The following HTR4 variants were observed in gnomAD, a reference collection of about 807,000 sequenced individuals.
The protein encoded by HTR4 is 5-hydroxytryptamine receptor 4, also known as 5-hydroxytryptamine (serotonin) receptor 4, G protein-coupled.
In HTR4, 16 loss-of-function variants were observed where a neutral mutation model predicts 36.8. That is an observed-to-expected ratio of 0.43 (90% CI 0.29 to 0.66). HTR4 has a LOEUF of 0.66. Among genes scored for constraint, HTR4 ranks in the 30% least tolerant of loss-of-function variants. The pLI, the probability that HTR4 is intolerant of heterozygous loss-of-function variation, is 0.13. For synonymous variants in HTR4, 189 were observed against 185.1 expected (o/e 1.02, Z -0.17); for missense variants, 438 against 490.9 (o/e 0.89, Z 1.02).
At chr5:148,477,314 A>G (rs1755731810), downstream of HTR4, among the ~76,000 whole-genome samples, 1 of 152,182 alleles carries the variant, frequency 6.6e-6, no homozygotes. Context: ...ATTAGATGCT[A>G]TTTGGAACTA....
At chr5:148,526,219 A>G (rs1206114263) in intron 4 of HTR4, among the ~76,000 whole-genome samples, 1 of 152,236 alleles carries the variant, frequency 6.6e-6, no homozygotes, top group Admixed American at 6.5e-5. Flanking sequence ...CAGTTGGCTA[A>G]TAACAATCTC....
At chr5:148,575,458 G>T (rs1305573556) in intron 2 of HTR4, among the ~76,000 whole-genome samples, 3 of 152,000 alleles carry the variant, frequency 2.0e-5, no homozygotes, top group African/African-American at 7.2e-5. Flanking sequence ...ATGGCCATGT[G>T]TTGACAGAGA....
chr5:148,601,189 T>A (rs139330009), intron 2 of HTR4, among the ~76,000 whole-genome samples: 47 of 151,764 alleles, frequency 3.1e-4, no homozygotes, highest in Non-Finnish European at 5.2e-4. Context: ...AAAATAAAGA[T>A]AAGTATTAGC....
intron 2 of HTR4, among the ~76,000 whole-genome samples, chr5:148,632,928 A>G (rs1753375906): frequency 6.6e-6 from 1 of 152,160 alleles, no homozygotes; most frequent in Non-Finnish European, 1.5e-5. Context: ...CTCATTCCCC[A>G]AATACAAGCC....
chr5:148,519,602 C>G (rs1757917712), intron 5 of HTR4, among the ~76,000 whole-genome samples: 2 of 152,150 alleles, frequency 1.3e-5, no homozygotes, highest in Non-Finnish European at 2.9e-5. Flanking sequence ...TTTGTAACCT[C>G]CTAAATCCCC....
chr5:148,513,893 T>C (rs1256204411), intron 5 of HTR4, among the ~76,000 whole-genome samples: 4 of 152,196 alleles, frequency 2.6e-5, no homozygotes, highest in African/African-American at 4.8e-5. Flanking sequence ...GGTACCATGT[T>C]AAAATCCTGA....
At chr5:148,493,202 G>A (rs1756537477) in intron 6 of HTR4, among the ~76,000 whole-genome samples, 2 of 152,126 alleles carry the variant, frequency 1.3e-5, no homozygotes, top group Admixed American at 1.3e-4. Context: ...CGTTGTGATG[G>A]GGACCAAGGC....
At chr5:148,548,613 C>T in intron 4 of HTR4, 55 bp downstream of exon 4, 1 of 1,353,424 alleles carries the variant, frequency 7.4e-7, no homozygotes. Context: ...GCCCAATATC[C>T]ATCAAGTCAT....
At chr5:148,588,686 G>T (rs894196695) in intron 2 of HTR4, among the ~76,000 whole-genome samples, 4 of 150,338 alleles carry the variant, frequency 2.7e-5, no homozygotes, top group Non-Finnish European at 4.4e-5. Flanking sequence ...GACTACAGGC[G>T]CCCGCCACCG....
intron 1 of HTR4, 105 bp downstream of exon 1, chr5:148,653,957 A>G (rs1754115502): frequency 2.7e-6 from 2 of 732,436 alleles, no homozygotes; most frequent in African/African-American, 3.8e-5. Context: ...TGAGTCCAGA[A>G]CCCCCAAGCC....
intron 4 of HTR4, among the ~76,000 whole-genome samples, chr5:148,543,845 G>A (rs2113837017): frequency 6.6e-6 from 1 of 152,250 alleles, no homozygotes; most frequent in East Asian, 1.9e-4. Context: ...AGATGGTGAG[G>A]GCTCCCTTAG....
intron 5 of HTR4, among the ~76,000 whole-genome samples, chr5:148,515,067 T>G (rs1221428499): frequency 6.6e-6 from 1 of 152,080 alleles, no homozygotes; most frequent in African/African-American, 2.4e-5. Flanking sequence ...AATCTTACTG[T>G]TATCTATTAA....
intron 6 of HTR4, among the ~76,000 whole-genome samples, chr5:148,501,498 A>G (rs765593306): frequency 2.6e-5 from 4 of 152,194 alleles, no homozygotes; most frequent in Non-Finnish European, 5.9e-5. Flanking sequence ...AAAATGCAAA[A>G]ATTGTCTTAG....
chr5:148,506,550 G>T (rs1160685347), intron 6 of HTR4, among the ~76,000 whole-genome samples: 1 of 152,138 alleles, frequency 6.6e-6, no homozygotes, highest in African/African-American at 2.4e-5. Context: ...AAGAGCTTCT[G>T]CACAGCAAAA....
rs142234197 is a variant in HTR4 at position 148,642,114 on chromosome 5, A to G, written c.-47-5053T>C. Among the ~76,000 whole-genome samples the G allele has an allele frequency of 1.4e-3, 219 of 152,290 alleles. 1 individual carries two copies. Among genetic ancestry groups the G allele is most frequent in the Non-Finnish European group, 2.5e-3 (173 of 68,022 alleles). On this transcript the variant is annotated intron_variant, in intron 1 of 6. Transcript: ENST00000377888. Reference sequence around the variant, plus strand: ...GTGTTTCTTTATAGACTATGCCTACATGGGTTAAATCAAAAGACATATCCC... The same window carrying G: ...GTGTTTCTTTATAGACTATGCCTACGTGGGTTAAATCAAAAGACATATCCC...
intron 2 of HTR4, among the ~76,000 whole-genome samples, chr5:148,573,744 C>T (rs1307378113): frequency 1.3e-5 from 2 of 152,014 alleles, no homozygotes; most frequent in South Asian, 2.1e-4. Context: ...TCATCCCTGC[C>T]CTAATCACCA....
At chr5:148,594,303 G>A (rs1269221314) in intron 2 of HTR4, among the ~76,000 whole-genome samples, 1 of 151,862 alleles carries the variant, frequency 6.6e-6, no homozygotes, top group East Asian at 1.9e-4. Flanking sequence ...ATAAAAAGTT[G>A]AGATCAATAA....
At chr5:148,507,021 T>A (rs1184428771) in intron 6 of HTR4, among the ~76,000 whole-genome samples, 1 of 152,200 alleles carries the variant, frequency 6.6e-6, no homozygotes, top group Non-Finnish European at 1.5e-5. Flanking sequence ...ATCCTGTTAC[T>A]GGGTATATAC....
rs1757395198 is a variant in HTR4, at chr5:148,509,614, C to A, written c.918G>T (p.Gly306=). 1 of 1,613,920 alleles carries A rather than the reference C, an allele frequency of 6.2e-7. No individual in the cohort carries two copies. Among genetic ancestry groups the A allele is most frequent in the Admixed American group, 1.7e-5 (1 of 59,966 alleles). Residue 306 remains glycine, a synonymous_variant, in exon 6 of 7, where the codon GGG becomes GGT. Transcript: ENST00000377888. ...AFLWLGYINS[G]LNPFLYAFLN... ...AGAAGGCGTAGAGAAAAGGGTTCAA[C>A]CCGGAATTGATATAGCCGAGCCAGA...
Sources: allele counts gnomAD v4.1 joint callset (sites outside exome capture counted in the v4.1 genomes callset), GRCh38; gene constraint gnomAD v4.1.1; transcripts MANE v1.5; gene names NCBI Gene and HGNC (gene_info 2026-07-23, HGNC 2026-07-21).